Variants in DPP10 observed in about 807,000 individuals in gnomAD.
DPP10 encodes the protein dipeptidyl peptidase like 10.
In DPP10, 33 loss-of-function variants were observed where a neutral mutation model predicts 120.9. The ratio of observed to expected loss-of-function variants is 0.27; its 90% CI spans 0.21 to 0.37. DPP10 has a LOEUF of 0.37. Among genes scored for constraint, DPP10 ranks in the 10% least tolerant of loss-of-function variants. The pLI is 1.00. For missense variants in DPP10, 816 were observed against 942.8 expected (o/e 0.87, Z 1.76); for synonymous variants, 337 against 326.1 (o/e 1.03, Z -0.36).
rs559316854 is a variant in DPP10, at chr2:114,898,006, C to T, written c.61-411233C>T. On this transcript the variant is annotated intron_variant, in intron 1 of 25. Transcript: ENST00000410059. ...AGCCATTCCGTTACTGGGTGTATAC[C>T]CAAAGGACTCTAAATCATGCTGCTA... Among the ~76,000 whole-genome samples, 568 of 152,238 alleles carry T rather than the reference C, an allele frequency of 3.7e-3. 4 individuals carry two copies. The highest frequency in any genetic ancestry group is 5.7e-3 in the Non-Finnish European group (387 of 68,018).
intron 1 of DPP10, among the ~76,000 whole-genome samples, chr2:114,601,754 T>G (rs1280223496): frequency 6.6e-6 from 1 of 151,940 alleles, no homozygotes; most frequent in African/African-American, 2.4e-5. Context: ...GCAGTTTTAT[T>G]TGGAAAATTG....
chr2:115,404,761 A>C (rs556231940), intron 3 of DPP10, among the ~76,000 whole-genome samples: 2 of 152,328 alleles, frequency 1.3e-5, no homozygotes, highest in African/African-American at 4.8e-5. Context: ...TGGAAGGGGA[A>C]GGAGGCACAC....
intron 1 of DPP10, among the ~76,000 whole-genome samples, chr2:115,110,574 CTATT>C (rs1328964009): frequency 2.6e-5 from 4 of 151,640 alleles, no homozygotes; most frequent in African/African-American, 9.7e-5. Flanking sequence ...TTGATGTGTG[CTATT>C]TATTTTTTAA....
At chr2:114,632,019 AT>A (rs941477882) in intron 1 of DPP10, among the ~76,000 whole-genome samples, 15 of 152,024 alleles carry the variant, frequency 9.9e-5, no homozygotes, top group African/African-American at 3.6e-4. Context: ...CATAATTTGT[AT>A]TTGGTTGATT....
In DPP10 at chr2:114,448,129, A is replaced by G. The variant is rs77395042; in HGVS notation, c.60+5291A>G. On this transcript the variant is annotated intron_variant, in intron 1 of 25. Transcript: ENST00000410059. ...ATAGTTTTTTTTCTTTTTAATAAAG[A>G]GTGACTATAATAATTGGCCAGCTTT... Among the ~76,000 whole-genome samples, 1,278 of 152,250 alleles carry G rather than the reference A, an allele frequency of 8.4e-3. 16 individuals are homozygous for G. Among genetic ancestry groups the G allele is most frequent in the African/African-American group, 0.029 (1,195 of 41,578 alleles).
chr2:115,039,487 A>G (rs1704473614), intron 1 of DPP10, among the ~76,000 whole-genome samples: 1 of 152,168 alleles, frequency 6.6e-6, no homozygotes, highest in Non-Finnish European at 1.5e-5. Flanking sequence ...TCTGACCCCA[A>G]GGAAAGGGTA....
At chr2:115,273,663 C>T (rs1169449707) in intron 1 of DPP10, among the ~76,000 whole-genome samples, 1 of 152,180 alleles carries the variant, frequency 6.6e-6, no homozygotes, top group South Asian at 2.1e-4. Context: ...AAAGAGCTCT[C>T]GCAAACAGGT....
intron 1 of DPP10, among the ~76,000 whole-genome samples, chr2:114,920,876 A>G (rs1574488465): frequency 6.6e-6 from 1 of 152,312 alleles, no homozygotes; most frequent in African/African-American, 2.4e-5. Flanking sequence ...ACAGGAACCG[A>G]TGGTGATACA....
chr2:115,040,594 G>GCC (rs1176000879), intron 1 of DPP10, among the ~76,000 whole-genome samples: 1 of 151,540 alleles, frequency 6.6e-6, no homozygotes, highest in Non-Finnish European at 1.5e-5. Flanking sequence ...CTGTATCCCT[G>GCC]CCCAAATCTC....
At chr2:114,942,310 TATATATATATAC>T (rs1031957834) in intron 1 of DPP10, among the ~76,000 whole-genome samples, 13 of 123,564 alleles carry the variant, frequency 1.1e-4, no homozygotes, top group African/African-American at 3.7e-4. Context: ...TATATATATA[TATATATATATAC>T]ACACACATAT....
At chr2:115,178,572 A>T (rs1206468779) in intron 1 of DPP10, among the ~76,000 whole-genome samples, 1 of 152,190 alleles carries the variant, frequency 6.6e-6, no homozygotes, top group Non-Finnish European at 1.5e-5. Flanking sequence ...AAGAAAATAA[A>T]TTGATGGTTA....
intron 1 of DPP10, among the ~76,000 whole-genome samples, chr2:115,259,565 C>T (rs1284077507): frequency 6.6e-6 from 1 of 151,798 alleles, no homozygotes; most frequent in Non-Finnish European, 1.5e-5. Context: ...AGTACCTTAT[C>T]CAGAATGACC....
intron 1 of DPP10, among the ~76,000 whole-genome samples, chr2:115,116,147 A>ATT (rs61553657): frequency 2.6e-5 from 4 of 151,940 alleles, no homozygotes; most frequent in African/African-American, 4.8e-5. Context: ...TTCAAATCTC[A>ATT]TTTTTTTTCC....
At chr2:114,607,121 A>G (rs916988441) in intron 1 of DPP10, among the ~76,000 whole-genome samples, 2 of 152,200 alleles carry the variant, frequency 1.3e-5, no homozygotes, top group African/African-American at 4.8e-5. Context: ...TCTCCAAAAT[A>G]CAAGGGCCCT....
intron 5 of DPP10, among the ~76,000 whole-genome samples, chr2:115,571,674 A>G (rs1373056578): frequency 6.7e-6 from 1 of 150,264 alleles, no homozygotes; most frequent in Non-Finnish European, 1.5e-5. Context: ...TTCCAAAACA[A>G]CTTGTAGAGT....
chr2:114,838,563 C>T (rs1398001668), intron 1 of DPP10, among the ~76,000 whole-genome samples: 3 of 152,104 alleles, frequency 2.0e-5, no homozygotes, highest in Non-Finnish European at 4.4e-5. Flanking sequence ...TCCCAAAGTA[C>T]TGGGATTACA....
intron 3 of DPP10, among the ~76,000 whole-genome samples, chr2:115,434,402 G>C (rs747626381): frequency 6.6e-6 from 1 of 151,900 alleles, no homozygotes; most frequent in Non-Finnish European, 1.5e-5. Flanking sequence ...ATACTTGGAT[G>C]AATCAAATTG....
chr2:114,853,670 G>A (rs1186308774), intron 1 of DPP10, among the ~76,000 whole-genome samples: 1 of 152,158 alleles, frequency 6.6e-6, no homozygotes, highest in African/African-American at 2.4e-5. Context: ...ATGATGAAGT[G>A]CAACTTGGGA....
At chr2:114,448,404 A>G (rs1463021836) in intron 1 of DPP10, among the ~76,000 whole-genome samples, 2 of 152,200 alleles carry the variant, frequency 1.3e-5, no homozygotes, top group African/African-American at 4.8e-5. Context: ...TGTGATGACA[A>G]ATTACTAACT....
Sources: gnomAD v4.1 joint callset for allele counts (sites outside exome capture counted in the v4.1 genomes callset) on GRCh38, gnomAD v4.1.1 for gene constraint, MANE v1.5 for transcripts, NCBI Gene and HGNC (gene_info 2026-07-23, HGNC 2026-07-21) for gene names.